The following AFF1 variants were observed in gnomAD, a reference collection of about 807,000 sequenced individuals.
The protein encoded by AFF1 is AF4/FMR2 family member 1.
A neutral mutation model predicts 121.7 loss-of-function variants in AFF1; 48 were observed. The ratio of observed to expected loss-of-function variants is 0.39; its 90% CI spans 0.31 to 0.50. The LOEUF (loss-of-function observed/expected upper bound fraction) is 0.50, where lower values mean the gene tolerates loss of function less well. Among genes scored for constraint, AFF1 ranks in the 20% least tolerant of loss-of-function variants. The pLI, the probability that AFF1 is intolerant of heterozygous loss-of-function variation, is 0.76. For missense variants in AFF1, 1,523 were observed against 1,511.7 expected (o/e 1.01, Z -0.12); for synonymous variants, 613 against 563.0 (o/e 1.09, Z -1.26).
intron 7 of AFF1, among the ~76,000 whole-genome samples, chr4:87,092,694 C>G (rs1387625221): frequency 6.6e-6 from 1 of 152,020 alleles, no homozygotes; most frequent in African/African-American, 2.4e-5. Context: ...ATTTGCTGTT[C>G]CCTGCTGTAG....
rs1457691750 is a variant in AFF1 at position 87,138,251 on chromosome 4, G to T, written c.*2550G>T. On this transcript the variant is annotated 3_prime_UTR_variant, in exon 21 of 21. Transcript: ENST00000395146. Reference sequence around the variant, plus strand: ...TTCATAGGGTCTTTTTGCTGTTACGGTTGTATATAGAGGTCTGAAGGATTT... The same window carrying T: ...TTCATAGGGTCTTTTTGCTGTTACGTTTGTATATAGAGGTCTGAAGGATTT... 2 of 232,496 alleles carry T rather than the reference G, an allele frequency of 8.6e-6. No homozygotes were observed. Among genetic ancestry groups the T allele is most frequent in the Non-Finnish European group, 1.7e-5 (2 of 117,720 alleles). 14.4% of individuals were successfully genotyped at this position (232,496 alleles called of 1,614,324 possible). A position where few individuals can be genotyped will look rare whatever the true frequency, so the allele number is the denominator to read the frequency against.
chr4:86,991,854 T>TTTA (rs371199846), intron 2 of AFF1, among the ~76,000 whole-genome samples: 1 of 148,572 alleles, frequency 6.7e-6, no homozygotes, highest in Middle Eastern at 3.4e-3. Context: ...TTTTTTTTTT[T>TTTA]ACATCCTTTT....
intron 2 of AFF1, among the ~76,000 whole-genome samples, chr4:86,993,740 G>A (rs1447548053): frequency 6.6e-6 from 1 of 152,100 alleles, no homozygotes; most frequent in African/African-American, 2.4e-5. Context: ...TGAGGTGGGT[G>A]GATTATGAGG....
At chr4:87,062,340 C>T (rs991733442) in intron 4 of AFF1, among the ~76,000 whole-genome samples, 1 of 152,158 alleles carries the variant, frequency 6.6e-6, no homozygotes, top group African/African-American at 2.4e-5. Context: ...AAGAGACTTG[C>T]TCCCTCAAAC....
rs549055046 is a variant in AFF1 at position 87,106,176 on chromosome 4, A to G, written c.1376+331A>G. Among the ~76,000 whole-genome samples the G allele has an allele frequency of 3.3e-5, 5 of 152,296 alleles. No individual in the cohort carries two copies. The South Asian group carries it at 1.0e-3, about 32-fold the overall frequency. On this transcript the variant is annotated intron_variant, in intron 10 of 20. Coordinates refer to ENST00000395146, the MANE Select transcript of AFF1 (RefSeq NM_001166693.3). ...GGTGGGCAGATCACTTGAGGTCAGG[A>G]GTTCGAGACCAGCCTGGCCAACATG...
At chr4:86,953,613 C>T (rs1185334176) in intron 2 of AFF1, among the ~76,000 whole-genome samples, 1 of 152,202 alleles carries the variant, frequency 6.6e-6, no homozygotes, top group Non-Finnish European at 1.5e-5. Context: ...ATTTCTTCAC[C>T]TTCCTTCCGT....
chr4:87,049,140 C>T (rs1398379433), intron 4 of AFF1, among the ~76,000 whole-genome samples: 1 of 147,098 alleles, frequency 6.8e-6, no homozygotes, highest in Non-Finnish European at 1.5e-5. Flanking sequence ...AATAACAAAC[C>T]TAAAAAATTG....
rs568907938 is a variant in AFF1, at chr4:87,038,299, A to G, written c.39-7867A>G. ...GAAAGTCTCTTACAAATTCTTTCAC[A>G]TGGATGGAGAGACGAAAAAAATCTC... is the stretch of plus-strand genomic sequence containing the variant. On this transcript the variant is annotated intron_variant, in intron 2 of 20. Transcript: ENST00000395146. Among the ~76,000 whole-genome samples the G allele has an allele frequency of 5.3e-5, 8 of 152,348 alleles. No homozygotes were observed. In the South Asian group the frequency reaches 8.3e-4, roughly 16 times the overall value.
chr4:86,985,214 T>TATATATAA (rs1277485096), intron 2 of AFF1, among the ~76,000 whole-genome samples: 132 of 104,514 alleles, frequency 1.3e-3, no homozygotes, highest in African/African-American at 3.6e-3. Flanking sequence ...TATATATATA[T>TATATATAA]AAAATTATAT....
rs1729415490 is a variant in AFF1, at chr4:87,137,762, G to A, written c.*2061G>A. 1 of 232,164 alleles carries A rather than the reference G, an allele frequency of 4.3e-6. No homozygotes were observed. The highest frequency in any genetic ancestry group is 2.2e-5 in the African/African-American group (1 of 45,396). 14.4% of individuals were successfully genotyped at this position (232,164 alleles called of 1,614,324 possible). A position where few individuals can be genotyped will look rare whatever the true frequency, so the allele number is the denominator to read the frequency against. On this transcript the variant is annotated 3_prime_UTR_variant, in exon 21 of 21. Transcript: ENST00000395146. ...AGGCACCAGAATCAGGCTTTATTTC[G>A]ATATTGAAGATGTTATTTAACATCT...
At chr4:86,959,914 A>G (rs1722023586) in intron 2 of AFF1, among the ~76,000 whole-genome samples, 1 of 152,044 alleles carries the variant, frequency 6.6e-6, no homozygotes, top group Non-Finnish European at 1.5e-5. Context: ...AAGGCAATGA[A>G]TTTTTTTCTG....
intron 4 of AFF1, among the ~76,000 whole-genome samples, chr4:87,053,672 C>G (rs78198475): frequency 0.044 from 6,701 of 152,236 alleles, 464 homozygotes; most frequent in African/African-American, 0.15. Context: ...ATATCTTGAA[C>G]CCCTGTTGTG....
rs1729427321 is a variant in AFF1 at position 87,137,946 on chromosome 4, C to G, written c.*2245C>G. 1 of 231,622 alleles carries G rather than the reference C, an allele frequency of 4.3e-6. No homozygotes were observed. Among genetic ancestry groups the G allele is most frequent in the Non-Finnish European group, 8.5e-6 (1 of 117,250 alleles). 14.3% of individuals were successfully genotyped at this position (231,622 alleles called of 1,614,324 possible). On this transcript the variant is annotated 3_prime_UTR_variant, in exon 21 of 21. Transcript: ENST00000395146. ...TGTTCTGTTGGCAAGCCACAGTGCT[C>G]CCTTGACTGAAGACATTTCCAGGTA... is the stretch of plus-strand genomic sequence containing the variant.
At chr4:87,046,072 G>A in intron 2 of AFF1, 94 bp from the exon 3 acceptor site, 2 of 1,483,014 alleles carry the variant, frequency 1.3e-6, no homozygotes. Flanking sequence ...TCCCAGACCT[G>A]TCCTCACCTC....
Position 87,136,339 on chromosome 4 carries a change from C to A in AFF1, c.*638C>A, listed in dbSNP as rs1357898711. On this transcript the variant is annotated 3_prime_UTR_variant, in exon 21 of 21. Coordinates refer to ENST00000395146, the MANE Select transcript of AFF1 (RefSeq NM_001166693.3). ...TTGAAGGCAACCCCCGCTCCTGCCG[C>A]CCCCAATCTCCCCATTGCCTAGAGC... 3 of 232,278 alleles carry A rather than the reference C, an allele frequency of 1.3e-5. No homozygotes were observed. Among genetic ancestry groups the A allele is most frequent in the Non-Finnish European group, 1.7e-5 (2 of 117,562 alleles). 14.4% of individuals were successfully genotyped at this position (232,278 alleles called of 1,614,324 possible).
chr4:87,047,749 A>T (rs747521193), intron 4 of AFF1, 155 bp downstream of exon 4: 4 of 971,810 alleles, frequency 4.1e-6, no homozygotes, highest in Non-Finnish European at 6.6e-6. Context: ...TAACCCGCGA[A>T]AAACTCAGAT....
At chr4:87,018,655 G>C (rs1271654163) in intron 2 of AFF1, among the ~76,000 whole-genome samples, 2 of 152,206 alleles carry the variant, frequency 1.3e-5, no homozygotes, top group African/African-American at 2.4e-5. Flanking sequence ...CCGTCATGTG[G>C]CAGTTTCTTG....
chr4:87,133,809 C>A (rs1287305293), intron 19 of AFF1, among the ~76,000 whole-genome samples: 1 of 152,184 alleles, frequency 6.6e-6, no homozygotes, highest in Non-Finnish European at 1.5e-5. Context: ...CACATTGAGT[C>A]ACATGTTAAC....
At chr4:87,071,137 A>G (rs910914489) in intron 4 of AFF1, among the ~76,000 whole-genome samples, 5 of 150,730 alleles carry the variant, frequency 3.3e-5, no homozygotes, top group African/African-American at 1.2e-4. Context: ...CTTAGGAGGT[A>G]GTAGTTTTCC....
Sources: allele counts gnomAD v4.1 joint callset (sites outside exome capture counted in the v4.1 genomes callset), GRCh38; gene constraint gnomAD v4.1.1; transcripts MANE v1.5; gene names NCBI Gene and HGNC (gene_info 2026-07-23, HGNC 2026-07-21).